B4GALT5: variants seen among roughly 807,000 people sequenced by gnomAD.
B4GALT5 encodes the protein beta-1,4-galactosyltransferase 5.
In B4GALT5, 11 loss-of-function variants were observed where a neutral mutation model predicts 45.0. That is an observed-to-expected ratio of 0.24 (90% CI 0.15 to 0.40). The LOEUF is 0.40. B4GALT5 is among the 10% of genes least tolerant of loss of function. The pLI is 1.00. For synonymous variants in B4GALT5, 185 were observed against 182.9 expected, an observed-to-expected ratio of 1.01 and a Z score of -0.09; for missense variants, 337 against 500.2, an observed-to-expected ratio of 0.67 and a Z score of 3.11.
chr20:49,668,371 C>T (rs1233000149), intron 1 of B4GALT5, among the ~76,000 whole-genome samples: 1 of 151,976 alleles, frequency 6.6e-6, no homozygotes, highest in Non-Finnish European at 1.5e-5. Context: ...TACTAGATGG[C>T]TGGGTAGCCT....
intron 2 of B4GALT5, among the ~76,000 whole-genome samples, chr20:49,649,870 C>G (rs1373044601): frequency 6.6e-6 from 1 of 152,140 alleles, no homozygotes; most frequent in Non-Finnish European, 1.5e-5. Flanking sequence ...GAGACGCTGG[C>G]TGGAAACATG....
At chr20:49,692,574 G>C (rs1298317601) in intron 1 of B4GALT5, among the ~76,000 whole-genome samples, 1 of 152,144 alleles carries the variant, frequency 6.6e-6, no homozygotes, top group Non-Finnish European at 1.5e-5. Context: ...AAAATCCTTG[G>C]AATAACAACT....
At chr20:49,643,922 C>CTTTTTTTTTTTTTTTTTTTTTTTTTTTTT (rs138727530) in intron 3 of B4GALT5, among the ~76,000 whole-genome samples, 1 of 52,154 alleles carries the variant, frequency 1.9e-5, no homozygotes, top group African/African-American at 8.5e-5. Context: ...AGTAGCTGAG[C>CTTTTTTTTTTTTTTTTTTTTTTTTTTTTT]TTTTTTTTTT....
intron 1 of B4GALT5, among the ~76,000 whole-genome samples, chr20:49,704,849 T>C (rs551074761): frequency 2.6e-5 from 4 of 152,318 alleles, no homozygotes; most frequent in Middle Eastern, 3.4e-3. Flanking sequence ...AGAGAACTGT[T>C]CATAATTGAT....
Position 49,656,695 on chromosome 20 carries a change from G to C in B4GALT5, c.123C>G (p.Thr41=). ...FVYVAPGIVN[T]YLFMMQAQGI... ...CTTGGGCTTGCATCATGAAGAGGTA[G>C]GTGTTCACTGCAGAAAGCAAAAAGG... The change falls in exon 2 of 9, where the codon ACC becomes ACG. Residue 41 remains threonine (T), a synonymous_variant. Coordinates refer to ENST00000371711, the MANE Select transcript of B4GALT5 (RefSeq NM_004776.4). The C allele has an allele frequency of 1.2e-6, 2 of 1,614,110 alleles. No homozygotes were observed. Among genetic ancestry groups the C allele is most frequent in the Non-Finnish European group, 1.7e-6 (2 of 1,180,008 alleles).
At chr20:49,652,842 A>C (rs1305025114) in intron 2 of B4GALT5, among the ~76,000 whole-genome samples, 2 of 152,362 alleles carry the variant, frequency 1.3e-5, no homozygotes, top group East Asian at 3.9e-4. Flanking sequence ...TATGTGCCTC[A>C]GCATTATTTC....
At chr20:49,642,329 C>T in intron 5 of B4GALT5, 139 bp downstream of exon 5, 1 of 672,842 alleles carries the variant, frequency 1.5e-6, no homozygotes, top group Non-Finnish European at 2.6e-6. Context: ...TTGCTCTCTG[C>T]TCCCCCTTCA....
chr20:49,638,412 T>C (rs2085562849), intron 7 of B4GALT5, among the ~76,000 whole-genome samples: 1 of 152,212 alleles, frequency 6.6e-6, no homozygotes, highest in Non-Finnish European at 1.5e-5. Flanking sequence ...AGATACCAGG[T>C]AGTATTTTGC....
At chr20:49,641,054 G>C (rs914413414) in intron 5 of B4GALT5, among the ~76,000 whole-genome samples, 2 of 152,126 alleles carry the variant, frequency 1.3e-5, no homozygotes, top group Admixed American at 6.5e-5. Context: ...GGCGGAGGCT[G>C]CAGTGAGCCA....
At chr20:49,641,519 T>C (rs2085576911) in intron 5 of B4GALT5, among the ~76,000 whole-genome samples, 1 of 152,196 alleles carries the variant, frequency 6.6e-6, no homozygotes, top group South Asian at 2.1e-4. Flanking sequence ...TACAGCTACA[T>C]TGACTCCCCC....
chr20:49,643,347 T>C (rs2085584758), intron 4 of B4GALT5, among the ~76,000 whole-genome samples, 179 bp downstream of exon 4: 1 of 152,230 alleles, frequency 6.6e-6, no homozygotes, highest in Non-Finnish European at 1.5e-5. Flanking sequence ...AATGCAAATT[T>C]CTGTATCTAC....
intron 1 of B4GALT5, among the ~76,000 whole-genome samples, chr20:49,711,916 A>G (rs1350975715): frequency 1.3e-5 from 2 of 152,212 alleles, no homozygotes; most frequent in East Asian, 3.8e-4. Flanking sequence ...GTCAACAGAG[A>G]ATGGCACTAG....
rs1053678485 is a variant in B4GALT5, at chr20:49,642,500, G to A, written c.574C>T (p.Arg192Cys). Residue 192 changes from arginine (R) to cysteine (C), a missense_variant, in exon 5 of 9, where the codon CGC becomes TGC. Arg to Cys is a radical substitution (Grantham distance 180). This residue lies in a region of B4GALT5 where 163 missense variants were observed against 292.8 expected (regional missense o/e 0.56). Transcript: ENST00000371711. ...RHLLPMLQRQ[R>C]LQFAFYVVEQ... is the part of the protein sequence containing the mutation. ...ACCACATAAAATGCAAACTGCAAGC[G>A]CTGGCGCTGGAGCATGGGAAGCAGG... 5 of 1,613,912 alleles carry A rather than the reference G, an allele frequency of 3.1e-6. No individual in the cohort carries two copies. Among genetic ancestry groups the A allele is most frequent in the Non-Finnish European group, 3.4e-6 (4 of 1,179,830 alleles).
chr20:49,674,649 C>A (rs2085730190), intron 1 of B4GALT5, among the ~76,000 whole-genome samples: 1 of 150,054 alleles, frequency 6.7e-6, no homozygotes, highest in South Asian at 2.1e-4. Flanking sequence ...GTTACAGAGA[C>A]CAGACCAGCC....
At chr20:49,692,384 C>T (rs1189054515) in intron 1 of B4GALT5, among the ~76,000 whole-genome samples, 1 of 152,002 alleles carries the variant, frequency 6.6e-6, no homozygotes, top group Non-Finnish European at 1.5e-5. Flanking sequence ...GGAGGATCAC[C>T]TGAGCCCAGG....
At chr20:49,693,783 T>A (rs772202468) in intron 1 of B4GALT5, among the ~76,000 whole-genome samples, 17 of 152,122 alleles carry the variant, frequency 1.1e-4, no homozygotes, top group Non-Finnish European at 2.1e-4. Context: ...GCAAATGAGG[T>A]TAAGGTGCCA....
chr20:49,675,994 C>T (rs1031893431), intron 1 of B4GALT5, among the ~76,000 whole-genome samples: 1 of 152,020 alleles, frequency 6.6e-6, no homozygotes, highest in Non-Finnish European at 1.5e-5. Context: ...AGGCCCTCCC[C>T]GCATCTTCAA....
intron 1 of B4GALT5, among the ~76,000 whole-genome samples, chr20:49,663,712 T>A (rs1475998553): frequency 0.017 from 2,003 of 117,828 alleles, 189 homozygotes; most frequent in East Asian, 0.082. Flanking sequence ...TATATATATA[T>A]ATATATATAT....
chr20:49,689,327 A>G (rs2085800301), intron 1 of B4GALT5, among the ~76,000 whole-genome samples: 1 of 152,200 alleles, frequency 6.6e-6, no homozygotes, highest in Non-Finnish European at 1.5e-5. Context: ...TTCTTAGCTC[A>G]CTCTCTTATC....
Sources: gnomAD v4.1 joint callset for allele counts (sites outside exome capture counted in the v4.1 genomes callset) on GRCh38, gnomAD v4.1.1 for gene constraint, gnomAD v4.1.1 regional missense constraint, MANE v1.5 for transcripts, NCBI Gene and HGNC (gene_info 2026-07-23, HGNC 2026-07-21) for gene names.